Variants in SRBD1 observed in about 807,000 individuals in gnomAD.
SRBD1 encodes S1 RNA-binding domain-containing protein 1.
A neutral mutation model predicts 115.3 loss-of-function variants in SRBD1; 88 were observed. The ratio of observed to expected loss-of-function variants is 0.76; its 90% CI spans 0.64 to 0.91. The LOEUF is 0.91. SRBD1 is among the 40% of genes least tolerant of loss of function. SRBD1 has a pLI of 0.00. For synonymous variants in SRBD1, 509 were observed against 407.7 expected, an observed-to-expected ratio of 1.25 and a Z score of -2.99; for missense variants, 1,385 against 1,177.4, an observed-to-expected ratio of 1.18 and a Z score of -2.58.
At chr2:45,512,321 T>C (rs573676128) in intron 14 of SRBD1, among the ~76,000 whole-genome samples, 1 of 152,318 alleles carries the variant, frequency 6.6e-6, no homozygotes, top group South Asian at 2.1e-4. Flanking sequence ...GAATACTACA[T>C]CTGTAACTTC....
At chr2:45,530,498 A>G (rs1671577233) in intron 14 of SRBD1, among the ~76,000 whole-genome samples, 1 of 152,088 alleles carries the variant, frequency 6.6e-6, no homozygotes, top group Non-Finnish European at 1.5e-5. Context: ...CAGGAAAGTT[A>G]AAGTGCTTAC....
At chr2:45,410,303 A>G (rs115257121) in intron 19 of SRBD1, among the ~76,000 whole-genome samples, 393 of 152,344 alleles carry the variant, frequency 2.6e-3, no homozygotes, top group African/African-American at 9.0e-3. Flanking sequence ...AAAATGTGAA[A>G]TGGTACGACC....
At position 45,442,097 on chromosome 2, in the gene SRBD1, A is replaced by G. The variant is rs144955857; in HGVS notation, c.2050-22203T>C. On this transcript the variant is annotated intron_variant, in intron 16 of 20. Coordinates refer to ENST00000263736, the MANE Select transcript of SRBD1 (RefSeq NM_018079.5). ...CTAAAGTACAGCATCTTGTCATACA[A>G]TAAAAAGATACCAAAGAAGCTGGGA... 2.9e-3 allele frequency among the ~76,000 whole-genome samples: 439 copies of G among 152,354 alleles called. 1 individual carries two copies. The highest frequency in any genetic ancestry group is 0.01 in the Middle Eastern group (3 of 294).
At chr2:45,408,146 G>T (rs1047830111) in intron 19 of SRBD1, among the ~76,000 whole-genome samples, 1 of 152,074 alleles carries the variant, frequency 6.6e-6, no homozygotes, top group Admixed American at 6.5e-5. Flanking sequence ...TCTTTTAATA[G>T]AACTGAAATC....
At position 45,587,681 on chromosome 2, in the gene SRBD1, C is replaced by T. The variant is rs571490359; in HGVS notation, c.649-1907G>A. Among the ~76,000 whole-genome samples the T allele has an allele frequency of 8.5e-5, 13 of 152,236 alleles. No homozygotes were observed. The East Asian group carries it at 1.7e-3, about 20-fold the overall frequency. On this transcript the variant is annotated intron_variant, in intron 4 of 20. Coordinates refer to ENST00000263736, the MANE Select transcript of SRBD1 (RefSeq NM_018079.5). ...GAGACTATAGAGGATATCTCATTCT[C>T]GGGGCACATTAAATCCTGAGGTCTA...
In SRBD1 at chr2:45,477,085, C is replaced by A. The variant is rs754913503; in HGVS notation, c.1967-10G>T. On this transcript the variant is annotated splice_polypyrimidine_tract_variant and intron_variant, in intron 15 of 20. Transcript: ENST00000263736. ...CGCCTTGCTATGGAAACTGAAAAAA[C>A]AGAATCAGAAAACAAGTATGACTTA... is the stretch of plus-strand genomic sequence containing the variant. 3 of 1,611,428 alleles carry A rather than the reference C, an allele frequency of 1.9e-6. No homozygotes were observed. The highest frequency in any genetic ancestry group is 2.5e-6 in the Non-Finnish European group (3 of 1,178,444).
At chr2:45,519,104 T>C (rs549198669) in intron 14 of SRBD1, among the ~76,000 whole-genome samples, 2 of 150,118 alleles carry the variant, frequency 1.3e-5, no homozygotes, top group African/African-American at 2.5e-5. Flanking sequence ...CTATAAGCTA[T>C]AATTTTTTAA....
rs1285351845 is a variant in SRBD1, at chr2:45,564,136, A to AAC, written c.1306-1382_1306-1381dup. Among the ~76,000 whole-genome samples the AAC allele has an allele frequency of 5.3e-5, 8 of 152,330 alleles. No homozygotes were observed. The East Asian group carries it at 1.5e-3, about 29-fold the overall frequency. ...AATTCCAGGAATGCCCGGTTGATTT[A>AAC]ACATCTAAAAAATCAATTAACCTAA... On this transcript the variant is annotated intron_variant, in intron 9 of 20. Transcript: ENST00000263736.
intron 16 of SRBD1, among the ~76,000 whole-genome samples, chr2:45,463,583 T>C (rs1369291073): frequency 6.6e-6 from 1 of 152,190 alleles, no homozygotes; most frequent in East Asian, 1.9e-4. Flanking sequence ...CACAATCTTA[T>C]ATTTGGGTTC....
At chr2:45,581,235 A>AT (rs1253011701) in intron 6 of SRBD1, among the ~76,000 whole-genome samples, 2 of 151,646 alleles carry the variant, frequency 1.3e-5, no homozygotes, top group African/African-American at 4.9e-5. Flanking sequence ...ATACTTCTCT[A>AT]TTTTTTTCCT....
chr2:45,549,905 A>G (rs1672244080), intron 12 of SRBD1, among the ~76,000 whole-genome samples: 1 of 152,080 alleles, frequency 6.6e-6, no homozygotes, highest in African/African-American at 2.4e-5. Flanking sequence ...AGTCAAAATT[A>G]GAAAATCTCA....
At chr2:45,389,981 A>G (rs553144488) in intron 20 of SRBD1, among the ~76,000 whole-genome samples, 1 of 152,286 alleles carries the variant, frequency 6.6e-6, no homozygotes, top group Admixed American at 6.5e-5. Context: ...AAGAGACTGG[A>G]AGCTTTTTTT....
intron 16 of SRBD1, among the ~76,000 whole-genome samples, chr2:45,427,210 A>AT (rs1361331620): frequency 6.7e-4 from 101 of 151,878 alleles, no homozygotes; most frequent in Non-Finnish European, 1.2e-3. Context: ...AAGCTGAAAA[A>AT]CACCGCACAA....
At chr2:45,576,648 G>T (rs941967686) in intron 7 of SRBD1, among the ~76,000 whole-genome samples, 2 of 152,168 alleles carry the variant, frequency 1.3e-5, no homozygotes, top group Non-Finnish European at 2.9e-5. Context: ...AACACATAGA[G>T]CACTCAATAA....
intron 15 of SRBD1, among the ~76,000 whole-genome samples, chr2:45,487,497 T>C (rs1670155802): frequency 1.3e-5 from 2 of 152,202 alleles, no homozygotes; most frequent in Admixed American, 1.3e-4. Context: ...ACTGGTCATT[T>C]GACAAATATT....
chr2:45,509,357 G>C (rs1428320097), intron 14 of SRBD1, among the ~76,000 whole-genome samples: 2 of 152,062 alleles, frequency 1.3e-5, no homozygotes, highest in Non-Finnish European at 2.9e-5. Flanking sequence ...AGCACTTTGA[G>C]AGGCCGAGGC....
chr2:45,445,835 T>TC (rs1668807840), intron 16 of SRBD1, among the ~76,000 whole-genome samples: 1 of 152,154 alleles, frequency 6.6e-6, no homozygotes, highest in African/African-American at 2.4e-5. Flanking sequence ...CCAGTAAAGT[T>TC]CAACAAAAAT....
chr2:45,585,811 A>C, intron 4 of SRBD1, 37 bp from the exon 5 acceptor site: 1 of 1,491,416 alleles, frequency 6.7e-7, no homozygotes, highest in Non-Finnish European at 9.1e-7. Flanking sequence ...TAAAATGCTG[A>C]AAATTAAACA....
At position 45,579,826 on chromosome 2, in the gene SRBD1, A is replaced by C. The variant is rs200539923; in HGVS notation, c.1072+49T>G. ...TTTTTTAACATACGTTTTTAAATTA[A>C]AAAAAAAAAAAAAGAAACAAAGTTG... is the stretch of plus-strand genomic sequence containing the variant. On this transcript the variant is annotated intron_variant, in intron 7 of 20. Transcript: ENST00000263736. The C allele has an allele frequency of 1.6e-3, 1,201 of 735,686 alleles. 1 individual carries two copies. Among genetic ancestry groups the C allele is most frequent in the South Asian group, 7.7e-3 (237 of 30,710 alleles). The allele number at this position is 735,686 out of a possible 1,614,324, so 45.6% of individuals were successfully genotyped here. A position where few individuals can be genotyped will look rare whatever the true frequency, so the allele number is the denominator to read the frequency against.
Sources: gnomAD v4.1 joint callset for allele counts (sites outside exome capture counted in the v4.1 genomes callset) on GRCh38, gnomAD v4.1.1 for gene constraint, MANE v1.5 for transcripts, NCBI Gene and HGNC (gene_info 2026-07-23, HGNC 2026-07-21) for gene names.